EPRS1: variants seen among roughly 807,000 people sequenced by gnomAD.
The protein encoded by EPRS1 is glutamyl-prolyl-tRNA synthetase 1, also known as bifunctional glutamate/proline--tRNA ligase.
Under a neutral mutation model 188.3 loss-of-function variants are expected in EPRS1, and 107 were observed. The ratio of observed to expected loss-of-function variants is 0.57; its 90% CI spans 0.49 to 0.67. EPRS1 has a LOEUF of 0.67. EPRS1 is among the 30% of genes least tolerant of loss of function. EPRS1 has a pLI of 0.00. For missense variants in EPRS1, 1,577 were observed against 1,802.2 expected, an observed-to-expected ratio of 0.88 and a Z score of 2.26; for synonymous variants, 596 against 593.1, an observed-to-expected ratio of 1.00 and a Z score of -0.07.
At chr1:219,983,690 C>T (rs1409379795) in intron 21 of EPRS1, among the ~76,000 whole-genome samples, 3 of 152,000 alleles carry the variant, frequency 2.0e-5, no homozygotes, top group Non-Finnish European at 2.9e-5. Flanking sequence ...GTCAGGAGTT[C>T]GAGACCAGCC....
rs1359430156 is a variant in EPRS1, at chr1:220,006,267, C to T, written c.1789G>A (p.Glu597Lys). ...IISLDAKLNL[E>K]NKDYKKTTKV... ...GTGGTTTTCTTGTAGTCTTTGTTTT[C>T]CAAATTCAACTTTGCATCAAGAGAT... The change falls in exon 15 of 32, where the codon GAA becomes AAA. Residue 597 changes from glutamate (E) to lysine (K), a missense_variant. This residue lies in a region of EPRS1 where 1,278 missense variants were observed against 1,457.4 expected (regional missense o/e 0.88). Coordinates refer to ENST00000366923, the MANE Select transcript of EPRS1 (RefSeq NM_004446.3). 6.3e-7 allele frequency: 1 copy of T among 1,590,334 alleles called. No individual in the cohort carries two copies. Among genetic ancestry groups the T allele is most frequent in the African/African-American group, 1.3e-5 (1 of 74,530 alleles).
At chr1:220,042,482 C>A (rs1241300070) in intron 1 of EPRS1, among the ~76,000 whole-genome samples, 1 of 148,590 alleles carries the variant, frequency 6.7e-6, no homozygotes. Context: ...GAAACCCCAT[C>A]TCCCAAAAAA....
chr1:219,973,527 A>AAC, intron 28 of EPRS1, 129 bp from the exon 29 acceptor site: 170 of 415,298 alleles, frequency 4.1e-4, no homozygotes, highest in East Asian at 6.6e-4. Flanking sequence ...CAAAAAAAAC[A>AAC]AGAGAAAAAA....
chr1:220,027,589 CA>C (rs374947643), intron 6 of EPRS1, among the ~76,000 whole-genome samples: 2,041 of 78,458 alleles, frequency 0.026, 35 homozygotes, highest in African/African-American at 0.087. Flanking sequence ...GAGGCTATGT[CA>C]AAAAAAAAAA....
intron 1 of EPRS1, among the ~76,000 whole-genome samples, chr1:220,044,327 C>T (rs768521756): frequency 1.1e-4 from 17 of 152,076 alleles, no homozygotes; most frequent in Non-Finnish European, 2.4e-4. Context: ...AACTGGCATA[C>T]AGTTCAAAAT....
chr1:219,968,857 G>A lies in EPRS1; in HGVS notation c.4488C>T (p.Val1496=), dbSNP rs778954915. ...AGTACTTGGCAGGGTTCTTGCCACA[G>A]ACACATTTGGCTCCAGGCTGCAGTT... is the stretch of plus-strand genomic sequence containing the variant. ...LCELQPGAKC[V]CGKNPAKYYT... is the part of the protein sequence containing the mutation. The change falls in exon 32 of 32, where the codon GTC becomes GTT. Residue 1496 remains valine (V), a synonymous_variant. Coordinates refer to ENST00000366923, the MANE Select transcript of EPRS1 (RefSeq NM_004446.3). The A allele has an allele frequency of 1.9e-6, 3 of 1,614,000 alleles. No homozygotes were observed. In the Admixed American group the frequency reaches 5.0e-5, roughly 27 times the overall value.
intron 28 of EPRS1, 105 bp downstream of exon 28, chr1:219,978,441 A>T: frequency 1.2e-6 from 1 of 840,432 alleles, no homozygotes; most frequent in Non-Finnish European, 1.8e-6. Flanking sequence ...CAACTATCAA[A>T]ATAGAGGAAA....
intron 17 of EPRS1, among the ~76,000 whole-genome samples, chr1:220,000,507 T>C (rs555804992): frequency 6.6e-6 from 1 of 152,236 alleles, no homozygotes; most frequent in African/African-American, 2.4e-5. Context: ...TTTAAAACCA[T>C]ACCGCTCTTT....
intron 30 of EPRS1, among the ~76,000 whole-genome samples, chr1:219,970,718 C>T (rs918173783): frequency 3.4e-5 from 5 of 149,096 alleles, no homozygotes; most frequent in African/African-American, 1.2e-4. Flanking sequence ...GCAGAGGTTG[C>T]AGTGAGCCGA....
chr1:219,985,635 C>T (rs1660993105), intron 20 of EPRS1, among the ~76,000 whole-genome samples: 1 of 152,056 alleles, frequency 6.6e-6, no homozygotes, highest in South Asian at 2.1e-4. Context: ...AAACTCCTGA[C>T]CTCAAGCGAT....
At position 220,022,501 on chromosome 1, in the gene EPRS1, G is replaced by C. The variant is rs1440870037; in HGVS notation, c.961C>G (p.Gln321Glu). Residue 321 changes from glutamine to glutamate, a missense_variant, in exon 9 of 32, where the codon CAA becomes GAA. Transcript: ENST00000366923. Reference sequence around the variant, plus strand: ...CCTTTTTTCATTTCTTCCCACATTTGTAGATTCTTCTCAATAGCTATAAAA... The same window carrying C: ...CCTTTTTTCATTTCTTCCCACATTTCTAGATTCTTCTCAATAGCTATAAAA... ...HRKNPIEKNL[Q>E]MWEEMKKGSQ... 5 of 1,612,478 alleles carry C rather than the reference G, an allele frequency of 3.1e-6. No individual in the cohort carries two copies. The South Asian group carries it at 5.5e-5, about 18-fold the overall frequency.
intron 20 of EPRS1, among the ~76,000 whole-genome samples, chr1:219,986,728 C>T (rs1215925823): frequency 6.6e-6 from 1 of 151,808 alleles, no homozygotes; most frequent in Non-Finnish European, 1.5e-5. Context: ...AGGTGCAAAA[C>T]AATGTGTATA....
At chr1:220,033,715 A>C in intron 3 of EPRS1, 57 bp from the exon 4 acceptor site, 1 of 1,345,436 alleles carries the variant, frequency 7.4e-7, no homozygotes. Context: ...TTATAAAAAG[A>C]AAGACCATAA....
At chr1:219,971,990 C>A in intron 30 of EPRS1, 79 bp downstream of exon 30, 1 of 791,024 alleles carries the variant, frequency 1.3e-6, no homozygotes, top group South Asian at 1.9e-5. Flanking sequence ...GGTATTAATA[C>A]CATGCATAAA....
At chr1:219,996,371 A>G (rs1393213940) in intron 18 of EPRS1, among the ~76,000 whole-genome samples, 1 of 152,084 alleles carries the variant, frequency 6.6e-6, no homozygotes, top group Non-Finnish European at 1.5e-5. Flanking sequence ...GCTGACCTCT[A>G]CCTCTGCTGG....
intron 12 of EPRS1, among the ~76,000 whole-genome samples, chr1:220,017,138 G>T (rs907428856): frequency 1.3e-5 from 2 of 152,056 alleles, no homozygotes; most frequent in Non-Finnish European, 2.9e-5. Context: ...GCTTGAACCC[G>T]GGAGGCAGAG....
chr1:219,972,295 A>G (rs1982985), intron 29 of EPRS1, 148 bp from the exon 30 acceptor site: 141,347 of 508,202 alleles, frequency 0.28, 20,417 homozygotes, highest in Middle Eastern at 0.36. Flanking sequence ...CATAGTGACC[A>G]TCAGTATATC....
At chr1:220,033,414 T>C (rs556634788) in intron 4 of EPRS1, 88 bp downstream of exon 4, 2 of 915,002 alleles carry the variant, frequency 2.2e-6, no homozygotes, top group Non-Finnish European at 3.4e-6. Flanking sequence ...CACATATACA[T>C]ACATGCATAC....
chr1:220,022,893 T>G (rs901459831), intron 8 of EPRS1, among the ~76,000 whole-genome samples: 1 of 152,160 alleles, frequency 6.6e-6, no homozygotes, highest in African/African-American at 2.4e-5. Context: ...AATTTAACAT[T>G]CTGCCTTTAA....
Sources: gnomAD v4.1 joint callset for allele counts (sites outside exome capture counted in the v4.1 genomes callset) on GRCh38, gnomAD v4.1.1 for gene constraint, gnomAD v4.1.1 regional missense constraint, MANE v1.5 for transcripts, NCBI Gene and HGNC (gene_info 2026-07-23, HGNC 2026-07-21) for gene names.